HPSE2: variants seen among roughly 807,000 people sequenced by gnomAD.
The protein encoded by HPSE2 is inactive heparanase-2.
A neutral mutation model predicts 60.5 loss-of-function variants in HPSE2; 38 were observed. That is an observed-to-expected ratio of 0.63 (90% CI 0.48 to 0.82). The LOEUF (loss-of-function observed/expected upper bound fraction) is 0.82. HPSE2 is among the 40% of genes least tolerant of loss of function. HPSE2 has a pLI of 0.00. For synonymous variants in HPSE2, 295 were observed against 293.2 expected, an observed-to-expected ratio of 1.01 and a Z score of -0.06; for missense variants, 713 against 740.4, an observed-to-expected ratio of 0.96 and a Z score of 0.43.
intron 3 of HPSE2, among the ~76,000 whole-genome samples, chr10:98,873,006 A>G (rs1171470285): frequency 1.3e-5 from 2 of 152,122 alleles, no homozygotes; most frequent in East Asian, 3.9e-4. Flanking sequence ...TAGAAGGTGA[A>G]GAAGAGAAGG....
At chr10:99,132,739 G>A (rs770753894) in intron 3 of HPSE2, among the ~76,000 whole-genome samples, 4 of 152,146 alleles carry the variant, frequency 2.6e-5, no homozygotes, top group African/African-American at 7.2e-5. Context: ...TTCAACACCC[G>A]CAAACCAGGA....
intron 5 of HPSE2, among the ~76,000 whole-genome samples, chr10:98,716,552 G>A (rs185475118): frequency 6.6e-6 from 1 of 152,002 alleles, no homozygotes; most frequent in Non-Finnish European, 1.5e-5. Context: ...TTTCCAGAAG[G>A]TTTTCAGTTA....
At chr10:99,139,564 G>C (rs978262582) in intron 3 of HPSE2, among the ~76,000 whole-genome samples, 19 of 152,204 alleles carry the variant, frequency 1.2e-4, no homozygotes, top group Admixed American at 1.2e-3. Flanking sequence ...TGCTTGAATA[G>C]TTATGATGTT....
At chr10:98,813,412 C>T (rs1182355225) in intron 3 of HPSE2, among the ~76,000 whole-genome samples, 1 of 152,110 alleles carries the variant, frequency 6.6e-6, no homozygotes, top group Admixed American at 6.6e-5. Context: ...ACATACTCAC[C>T]TTAATAAGAA....
chr10:99,052,346 T>C (rs1029909404), intron 3 of HPSE2, among the ~76,000 whole-genome samples: 6 of 150,158 alleles, frequency 4.0e-5, no homozygotes, highest in African/African-American at 1.5e-4. Context: ...GTCACCAATT[T>C]GAAAACAGAA....
intron 3 of HPSE2, among the ~76,000 whole-genome samples, chr10:99,134,405 A>G (rs1845563222): frequency 6.6e-6 from 1 of 152,164 alleles, no homozygotes; most frequent in Non-Finnish European, 1.5e-5. Context: ...GAGCAACCCC[A>G]AGACACATTA....
At chr10:98,527,625 T>C (rs1943009787) in intron 9 of HPSE2, among the ~76,000 whole-genome samples, 1 of 152,190 alleles carries the variant, frequency 6.6e-6, no homozygotes, top group East Asian at 1.9e-4. Context: ...CCTTATTATA[T>C]TTTCCACAAT....
intron 9 of HPSE2, among the ~76,000 whole-genome samples, chr10:98,535,053 A>G (rs754551910): frequency 1.3e-5 from 2 of 152,120 alleles, no homozygotes; most frequent in African/African-American, 2.4e-5. Flanking sequence ...AAATGATTCA[A>G]CTTTGTGGGT....
At chr10:99,142,303 T>C (rs539215609) in intron 3 of HPSE2, among the ~76,000 whole-genome samples, 1 of 152,210 alleles carries the variant, frequency 6.6e-6, no homozygotes, top group Non-Finnish European at 1.5e-5. Flanking sequence ...GTTCTCAAGA[T>C]TTATACAAGA....
rs748330824 is a variant in HPSE2, at chr10:99,144,417, G to A, written c.449-18C>T. 17 of 1,611,570 alleles carry A rather than the reference G, an allele frequency of 1.1e-5. No homozygotes were observed. The highest frequency in any genetic ancestry group is 1.4e-5 in the Non-Finnish European group (17 of 1,179,890). ...AACAATGTCTACAAAAAGAAAGAAA[G>A]AAGGCAGGCAGCAAAAACTAAAACA... On this transcript the variant is annotated intron_variant, in intron 2 of 11. Coordinates refer to ENST00000370552, the MANE Select transcript of HPSE2 (RefSeq NM_021828.5).
At chr10:99,098,185 C>G (rs887232355) in intron 3 of HPSE2, among the ~76,000 whole-genome samples, 1 of 151,978 alleles carries the variant, frequency 6.6e-6, no homozygotes, top group Non-Finnish European at 1.5e-5. Context: ...AAATAAATAA[C>G]TGAAAAGTAA....
intron 3 of HPSE2, among the ~76,000 whole-genome samples, chr10:99,052,123 C>T (rs1267645105): frequency 6.6e-6 from 1 of 151,258 alleles, no homozygotes; most frequent in Non-Finnish European, 1.5e-5. Context: ...ACAGACGTTA[C>T]AAATACAGAC....
intron 9 of HPSE2, among the ~76,000 whole-genome samples, chr10:98,520,349 G>A (rs891334943): frequency 6.6e-6 from 1 of 152,138 alleles, no homozygotes; most frequent in Admixed American, 6.5e-5. Flanking sequence ...TTCTCTCCTC[G>A]CTCGTGAGCA....
intron 3 of HPSE2, among the ~76,000 whole-genome samples, chr10:99,038,003 T>C (rs532968540): frequency 2.2e-4 from 34 of 152,290 alleles, no homozygotes; most frequent in African/African-American, 7.7e-4. Context: ...ACTACATATC[T>C]ATTCCAACAG....
chr10:98,974,487 T>C (rs550567013), intron 3 of HPSE2, among the ~76,000 whole-genome samples: 1 of 152,094 alleles, frequency 6.6e-6, no homozygotes, highest in African/African-American at 2.4e-5. Context: ...AGGCTGGTCT[T>C]GAACTCCTGA....
intron 2 of HPSE2, among the ~76,000 whole-genome samples, chr10:99,164,230 TATATATATA>T (rs1564858853): frequency 0.059 from 29 of 488 alleles, no homozygotes; most frequent in South Asian, 0.12. Context: ...TCAAGCATTA[TATATATATA>T]TATATATATA....
chr10:99,133,082 C>G (rs1468117630), intron 3 of HPSE2, among the ~76,000 whole-genome samples: 2 of 152,190 alleles, frequency 1.3e-5, no homozygotes, highest in African/African-American at 2.4e-5. Flanking sequence ...ATTGTTGAAG[C>G]TTGAGTAGGC....
At chr10:99,173,352 A>T (rs1847392157) in intron 2 of HPSE2, among the ~76,000 whole-genome samples, 1 of 152,214 alleles carries the variant, frequency 6.6e-6, no homozygotes, top group Non-Finnish European at 1.5e-5. Flanking sequence ...TTAATATAGA[A>T]GTAGGAATAG....
rs534826758 is a variant in HPSE2 at position 99,037,647 on chromosome 10, A to G, written c.610+106591T>C. On this transcript the variant is annotated intron_variant, in intron 3 of 11. Coordinates refer to ENST00000370552, the MANE Select transcript of HPSE2 (RefSeq NM_021828.5). ...AAGGAGAAAGGAATAAGAGTAAAGT[A>G]CAGGGATTAAAAGGAATAAAGAAAT... is the stretch of plus-strand genomic sequence containing the variant. Among the ~76,000 whole-genome samples, 5 of 152,154 alleles carry G rather than the reference A, an allele frequency of 3.3e-5. No homozygotes were observed. In the East Asian group the frequency reaches 9.6e-4, roughly 29 times the overall value.
Sources: allele counts gnomAD v4.1 joint callset (sites outside exome capture counted in the v4.1 genomes callset), GRCh38; gene constraint gnomAD v4.1.1; transcripts MANE v1.5; gene names NCBI Gene and HGNC (gene_info 2026-07-23, HGNC 2026-07-21).